Variants in EIF4G3 observed in about 807,000 individuals in gnomAD.
The protein encoded by EIF4G3 is eIF-4-gamma 3.
Under a neutral mutation model 186.4 loss-of-function variants are expected in EIF4G3, and 34 were observed. The observed-to-expected ratio is 0.18, with a 90% confidence interval of 0.14 to 0.24. The LOEUF (loss-of-function observed/expected upper bound fraction) is 0.24, where lower values mean the gene tolerates loss of function less well. Among genes scored for constraint, EIF4G3 ranks in the 10% least tolerant of loss-of-function variants. The pLI is 1.00. For missense variants in EIF4G3, 1,536 were observed against 1,948.5 expected, an observed-to-expected ratio of 0.79 and a Z score of 3.99; for synonymous variants, 673 against 679.5, an observed-to-expected ratio of 0.99 and a Z score of 0.15.
At chr1:20,976,257 T>C (rs945594833) in intron 10 of EIF4G3, among the ~76,000 whole-genome samples, 4 of 152,130 alleles carry the variant, frequency 2.6e-5, no homozygotes, top group Non-Finnish European at 5.9e-5. Context: ...ACATGTGCCA[T>C]GTTAGTGTGC....
At chr1:20,930,235 G>A (rs2095240414) in intron 14 of EIF4G3, among the ~76,000 whole-genome samples, 1 of 152,130 alleles carries the variant, frequency 6.6e-6, no homozygotes, top group Non-Finnish European at 1.5e-5. Flanking sequence ...GCATGAGAGT[G>A]GCTGTGGCAA....
intron 14 of EIF4G3, among the ~76,000 whole-genome samples, chr1:20,937,721 G>A (rs576621270): frequency 8.5e-5 from 13 of 152,204 alleles, no homozygotes; most frequent in African/African-American, 3.1e-4. Context: ...TCCTAAAATT[G>A]TAGAAAACAA....
Position 20,994,757 on chromosome 1 carries a change from TA to T in EIF4G3, c.177+2843del, listed in dbSNP as rs1558616617. 2.0e-5 allele frequency among the ~76,000 whole-genome samples: 3 copies of T among 150,790 alleles called. 1 individual carries two copies. In the South Asian group the frequency reaches 6.3e-4, roughly 32 times the overall value. On this transcript the variant is annotated intron_variant, in intron 7 of 36. Coordinates refer to ENST00000602326, the MANE Select transcript of EIF4G3 (RefSeq NM_001391906.1). ...ATTCTCCTACCTCAGCCTCCCAGAGTAGCTGGGACTACAGGCATGCACAACC... is the reference window on the plus strand; with the variant it reads ...ATTCTCCTACCTCAGCCTCCCAGAGTGCTGGGACTACAGGCATGCACAACC...
intron 2 of EIF4G3, among the ~76,000 whole-genome samples, chr1:21,170,355 G>T (rs554051022): frequency 2.0e-4 from 31 of 152,080 alleles, no homozygotes; most frequent in African/African-American, 6.3e-4. Context: ...ATAAAGTCAG[G>T]CAGCACACAG....
At chr1:20,955,978 A>G (rs2096404051) in intron 12 of EIF4G3, among the ~76,000 whole-genome samples, 1 of 152,198 alleles carries the variant, frequency 6.6e-6, no homozygotes, top group Non-Finnish European at 1.5e-5. Context: ...AAGTGTTCTC[A>G]TAATATAATA....
intron 12 of EIF4G3, among the ~76,000 whole-genome samples, chr1:20,963,262 G>T (rs559506276): frequency 6.6e-6 from 1 of 151,378 alleles, no homozygotes. Flanking sequence ...GATAATTTTA[G>T]GCAATATGTC....
At chr1:21,111,967 C>A (rs527865224) in intron 2 of EIF4G3, among the ~76,000 whole-genome samples, 1 of 152,252 alleles carries the variant, frequency 6.6e-6, no homozygotes, top group South Asian at 2.1e-4. Flanking sequence ...ATTAATTCAC[C>A]CAATTGTCAC....
chr1:21,090,055 G>GC (rs1340459716), intron 2 of EIF4G3, among the ~76,000 whole-genome samples: 1 of 152,086 alleles, frequency 6.6e-6, no homozygotes. Context: ...TCCAGAACAT[G>GC]CTGATTTTTC....
At chr1:21,141,396 T>TGC (rs2097335121) in intron 2 of EIF4G3, among the ~76,000 whole-genome samples, 1 of 149,780 alleles carries the variant, frequency 6.7e-6, no homozygotes, top group Admixed American at 6.7e-5. Flanking sequence ...TGTGTGTGTG[T>TGC]GTATGTGTAG....
At chr1:20,922,015 C>G (rs2094520194) in intron 14 of EIF4G3, among the ~76,000 whole-genome samples, 1 of 152,222 alleles carries the variant, frequency 6.6e-6, no homozygotes, top group Admixed American at 6.5e-5. Flanking sequence ...CACCATTACA[C>G]TCAAGTATTT....
intron 3 of EIF4G3, among the ~76,000 whole-genome samples, chr1:21,058,026 T>C (rs2094648761): frequency 6.6e-6 from 1 of 152,208 alleles, no homozygotes; most frequent in Non-Finnish European, 1.5e-5. Flanking sequence ...GGTATAAAGT[T>C]TATTTATCTA....
intron 2 of EIF4G3, among the ~76,000 whole-genome samples, chr1:21,159,656 T>C (rs1250529481): frequency 1.3e-5 from 2 of 151,862 alleles, no homozygotes; most frequent in African/African-American, 4.8e-5. Context: ...AGGAGAATTG[T>C]TTGAACCCAT....
chr1:21,104,312 AC>A (rs2096576965), intron 2 of EIF4G3, among the ~76,000 whole-genome samples: 1 of 152,206 alleles, frequency 6.6e-6, no homozygotes, highest in Non-Finnish European at 1.5e-5. Context: ...ACTAAACCAA[AC>A]AACTTGTGGC....
chr1:21,170,351 T>G (rs2097935275), intron 2 of EIF4G3, among the ~76,000 whole-genome samples: 2 of 151,880 alleles, frequency 1.3e-5, no homozygotes, highest in Admixed American at 1.3e-4. Context: ...TCTTATAAAG[T>G]CAGGCAGCAC....
At chr1:20,875,895 G>A (rs537763547) in intron 20 of EIF4G3, among the ~76,000 whole-genome samples, 1 of 151,942 alleles carries the variant, frequency 6.6e-6, no homozygotes. Context: ...CTGGGTGACA[G>A]AGCAAGACAA....
chr1:20,918,471 G>A (rs2094150739), intron 14 of EIF4G3, among the ~76,000 whole-genome samples: 1 of 151,828 alleles, frequency 6.6e-6, no homozygotes, highest in African/African-American at 2.4e-5. Flanking sequence ...GCCTCCCAAA[G>A]TGCTGGAATT....
At chr1:21,170,173 T>G (rs977059994) in intron 2 of EIF4G3, among the ~76,000 whole-genome samples, 1 of 82,560 alleles carries the variant, frequency 1.2e-5, no homozygotes, top group Non-Finnish European at 2.8e-5. Flanking sequence ...TGAAACTCCA[T>G]CTCAAAAATA....
intron 30 of EIF4G3, among the ~76,000 whole-genome samples, chr1:20,833,683 A>G (rs145800533): frequency 8.5e-4 from 129 of 152,358 alleles, no homozygotes; most frequent in Middle Eastern, 3.4e-3. Context: ...GCATATAAAC[A>G]GAGCCAAAGA....
At chr1:20,840,237 G>T (rs2068108535) in intron 30 of EIF4G3, among the ~76,000 whole-genome samples, 1 of 152,174 alleles carries the variant, frequency 6.6e-6, no homozygotes, top group Non-Finnish European at 1.5e-5. Context: ...TGTGATGATG[G>T]TATATCACAA....
Sources: gnomAD v4.1 joint callset for allele counts (sites outside exome capture counted in the v4.1 genomes callset) on GRCh38, gnomAD v4.1.1 for gene constraint, MANE v1.5 for transcripts, NCBI Gene and HGNC (gene_info 2026-07-23, HGNC 2026-07-21) for gene names.